UPF3A: variants seen among roughly 807,000 people sequenced by gnomAD.
The protein encoded by UPF3A is UPF3A regulator of nonsense mediated mRNA decay.
UPF3A carries 42 observed loss-of-function variants against 53.5 expected under a neutral mutation model. That is an observed-to-expected ratio of 0.78 (90% CI 0.61 to 1.01). The LOEUF (loss-of-function observed/expected upper bound fraction) is 1.01, where lower values mean the gene tolerates loss of function less well. Ranked by LOEUF, UPF3A falls within the 50% of genes least tolerant of loss-of-function variation. The pLI, the probability that UPF3A is intolerant of heterozygous loss-of-function variation, is 0.00. For synonymous variants in UPF3A, 237 were observed against 225.3 expected, an observed-to-expected ratio of 1.05 and a Z score of -0.47; for missense variants, 575 against 598.0, an observed-to-expected ratio of 0.96 and a Z score of 0.40.
Position 114,282,546 on chromosome 13 carries a change from C to T in UPF3A, c.315-291C>T, listed in dbSNP as rs1220585485. On this transcript the variant is annotated intron_variant, in intron 2 of 9. Coordinates refer to ENST00000375299, the MANE Select transcript of UPF3A (RefSeq NM_023011.4). ...GAGAAGGTCCCCAAGTCAGGAGAGT[C>T]TCTCGGCGCCACGGGTTCCTCTGGG... The T allele has an allele frequency of 8.1e-6, 8 of 985,336 alleles. No individual in the cohort carries two copies. In the East Asian group the frequency reaches 7.9e-4, roughly 98 times the overall value. 61.0% of individuals were successfully genotyped at this position (985,336 alleles called of 1,614,324 possible).
chr13:114,294,424 G>A (rs1447059649), intron 7 of UPF3A, among the ~76,000 whole-genome samples: 1 of 151,912 alleles, frequency 6.6e-6, no homozygotes, highest in African/African-American at 2.4e-5. Flanking sequence ...TACCTGAATA[G>A]CTAATTTAAA....
intron 2 of UPF3A, 95 bp downstream of exon 2, chr13:114,282,222 C>T (rs1227391884): frequency 3.6e-6 from 4 of 1,096,582 alleles, no homozygotes; most frequent in Non-Finnish European, 5.1e-6. Flanking sequence ...CCTGATTTCT[C>T]CTATATGGGA....
At chr13:114,282,532 C>A in intron 2 of UPF3A, 1 of 985,458 alleles carries the variant, frequency 1.0e-6, no homozygotes, top group South Asian at 4.7e-5. Context: ...AGAAGGTCCC[C>A]AAGTCAGGAG....
chr13:114,301,917 G>A lies in UPF3A; in HGVS notation c.1194G>A (p.Lys398=). The A allele has an allele frequency of 6.2e-7, 1 of 1,610,262 alleles. No homozygotes were observed. Among genetic ancestry groups the A allele is most frequent in the Non-Finnish European group, 8.5e-7 (1 of 1,178,398 alleles). ...WGKGPGQDRG[K]KGSQDSGAPG... is the part of the protein sequence containing the mutation. ...AAGGACCTGGCCAAGACAGAGGGAAGAAGGGGAGCCAGGACAGCGGGGCTC... is the reference window on the plus strand; with the variant it reads ...AAGGACCTGGCCAAGACAGAGGGAAAAAGGGGAGCCAGGACAGCGGGGCTC... The change falls in exon 9 of 10, where the codon AAG becomes AAA. Residue 398 remains lysine (K), a synonymous_variant. Transcript: ENST00000375299.
At chr13:114,301,577 G>T (rs1380304583) in intron 8 of UPF3A, among the ~76,000 whole-genome samples, 154 bp from the exon 9 acceptor site, 1 of 151,976 alleles carries the variant, frequency 6.6e-6, no homozygotes, top group East Asian at 1.9e-4. Context: ...TTTTATCAAC[G>T]CCTGCTGTGT....
chr13:114,297,602 C>A (rs553940248), intron 7 of UPF3A, among the ~76,000 whole-genome samples: 2 of 151,768 alleles, frequency 1.3e-5, no homozygotes, highest in Admixed American at 6.6e-5. Context: ...GAGGCCAACG[C>A]TGGGGGATCA....
chr13:114,294,824 C>CAAAAAAAAA (rs1227355954), intron 7 of UPF3A, among the ~76,000 whole-genome samples: 2 of 150,280 alleles, frequency 1.3e-5, no homozygotes, highest in Non-Finnish European at 1.5e-5. Flanking sequence ...GACTCCGTCT[C>CAAAAAAAAA]AAAAAGGCTG....
rs762687735 is a variant in UPF3A, at chr13:114,282,894, CCTT to C, written c.376_378del (p.Leu126del). The C allele has an allele frequency of 1.5e-5, 24 of 1,612,500 alleles. No individual in the cohort carries two copies. The South Asian group carries it at 1.8e-4, about 12-fold the overall frequency. On this transcript the variant is annotated inframe_deletion, in exon 3 of 10. Coordinates refer to ENST00000375299, the MANE Select transcript of UPF3A (RefSeq NM_023011.4). Reference sequence around the variant, plus strand: ...TTAATTTTAGGAATCCTGATGACATCCTTCTTTTTAGAGATCGTTTTGATGGAT... The same window carrying C: ...TTAATTTTAGGAATCCTGATGACATCCTTTTTAGAGATCGTTTTGATGGAT...
intron 7 of UPF3A, among the ~76,000 whole-genome samples, chr13:114,294,556 C>T (rs1338623229): frequency 6.6e-6 from 1 of 152,170 alleles, no homozygotes; most frequent in Non-Finnish European, 1.5e-5. Context: ...GCACTCATGG[C>T]TATTCTTAAT....
rs901481458 is a variant in UPF3A, at chr13:114,298,869, A to G, written c.876A>G (p.Glu292=). ...TTAAGAAACCAGAAAAGGGAGAGGA[A>G]CCAACCACAGAGAAACCAAAAGAAA... ...KLLKKPEKGE[E]PTTEKPKERG... The change falls in exon 8 of 10, where the codon GAA becomes GAG. Residue 292 remains glutamate, a synonymous_variant. Transcript: ENST00000375299. 7.6e-6 allele frequency: 12 copies of G among 1,588,530 alleles called. No homozygotes were observed. The highest frequency in any genetic ancestry group is 1.0e-5 in the Non-Finnish European group (12 of 1,170,198).
chr13:114,296,759 G>C (rs187774547), intron 7 of UPF3A, among the ~76,000 whole-genome samples: 26 of 152,272 alleles, frequency 1.7e-4, no homozygotes, highest in Admixed American at 1.6e-3. Flanking sequence ...CCAGGTCGAT[G>C]ATCTCAGAGT....
chr13:114,296,188 G>T (rs976838509), intron 7 of UPF3A, among the ~76,000 whole-genome samples: 1 of 152,168 alleles, frequency 6.6e-6, no homozygotes, highest in Non-Finnish European at 1.5e-5. Context: ...TTTGAGACCA[G>T]CCTGGCTAAT....
chr13:114,282,386 A>G (rs2084175793), intron 2 of UPF3A: 15 of 1,219,420 alleles, frequency 1.2e-5, no homozygotes, highest in Non-Finnish European at 1.6e-5. Context: ...TGCCTTTGAA[A>G]GGACCAGCGT....
At chr13:114,301,526 G>A (rs1164373572) in intron 8 of UPF3A, among the ~76,000 whole-genome samples, 1 of 151,636 alleles carries the variant, frequency 6.6e-6, no homozygotes, top group East Asian at 1.9e-4. Context: ...CAACTGAAAT[G>A]ACAGATACTA....
intron 3 of UPF3A, 33 bp downstream of exon 3, chr13:114,282,976 A>G: frequency 7.1e-7 from 1 of 1,405,368 alleles, no homozygotes; most frequent in Non-Finnish European, 1.0e-6. Context: ...ATCTATTATA[A>G]TCTGTAGGTA....
rs1218638495 is a variant in UPF3A at position 114,281,807 on chromosome 13, G to C, written c.168G>C (p.Ala56=). The change falls in exon 1 of 10, where the codon GCG becomes GCC. Residue 56 remains alanine, a synonymous_variant. Transcript: ENST00000375299. The part of the protein sequence containing the change: ...PTSSSGCGGG[A]GKPREEKRTA... ...CGTCCTCCGGTTGCGGGGGCGGTGCGGGCAAACCTCGCGAGGAGAAGAGGA... is the reference window on the plus strand; with the variant it reads ...CGTCCTCCGGTTGCGGGGGCGGTGCCGGCAAACCTCGCGAGGAGAAGAGGA... 1 of 1,553,510 alleles carries C rather than the reference G, an allele frequency of 6.4e-7. No individual in the cohort carries two copies. The highest frequency in any genetic ancestry group is 8.7e-7 in the Non-Finnish European group (1 of 1,149,410).
intron 3 of UPF3A, chr13:114,285,566 A>C (rs1339547368): frequency 6.6e-6 from 1 of 152,264 alleles, no homozygotes; most frequent in Non-Finnish European, 1.5e-5. Flanking sequence ...AAAATGACTC[A>C]GTGGGTTTAG....
chr13:114,305,024 G>A lies in UPF3A; in HGVS notation c.*107G>A, dbSNP rs2086915345. 1 of 1,421,654 alleles carries A rather than the reference G, an allele frequency of 7.0e-7. No individual in the cohort carries two copies. Among genetic ancestry groups the A allele is most frequent in the Non-Finnish European group, 9.7e-7 (1 of 1,035,296 alleles). The allele number at this position is 1,421,654 out of a possible 1,614,324, so 88.1% of individuals were successfully genotyped here. Reference sequence around the variant, plus strand: ...AGAACTTATTCCTTACCAGGAAACTGGAAGCTAAAAATACAGAGGGTGACG... The same window carrying A: ...AGAACTTATTCCTTACCAGGAAACTAGAAGCTAAAAATACAGAGGGTGACG... On this transcript the variant is annotated 3_prime_UTR_variant, in exon 10 of 10. Coordinates refer to ENST00000375299, the MANE Select transcript of UPF3A (RefSeq NM_023011.4).
At chr13:114,301,518 A>G (rs924413811) in intron 8 of UPF3A, among the ~76,000 whole-genome samples, 1 of 151,990 alleles carries the variant, frequency 6.6e-6, no homozygotes, top group African/African-American at 2.4e-5. Context: ...CTGTCACTCA[A>G]CTGAAATGAC....
Sources: allele counts gnomAD v4.1 joint callset (sites outside exome capture counted in the v4.1 genomes callset), GRCh38; gene constraint gnomAD v4.1.1; transcripts MANE v1.5; gene names NCBI Gene and HGNC (gene_info 2026-07-23, HGNC 2026-07-21).